The following MEI4 variants were observed in gnomAD, a reference collection of about 807,000 sequenced individuals.
MEI4 encodes meiotic double-stranded break formation protein 4.
MEI4 carries 27 observed loss-of-function variants against 31.4 expected under a neutral mutation model. That is an observed-to-expected ratio of 0.86 (90% confidence interval 0.63 to 1.19). The LOEUF (loss-of-function observed/expected upper bound fraction) is 1.19. Among genes scored for constraint, MEI4 ranks in the 50% most tolerant of loss-of-function variants. The probability of loss-of-function intolerance (pLI) is 0.00; values close to 1 mark genes in which losing one functional copy is unlikely to be tolerated. For missense variants in MEI4, 329 were observed against 398.9 expected (o/e 0.82, Z 1.49); for synonymous variants, 122 against 145.4 (o/e 0.84, Z 1.16).
intron 2 of MEI4, among the ~76,000 whole-genome samples, chr6:77,756,624 C>CCTCTCT (rs149549601): frequency 6.9e-6 from 1 of 145,890 alleles, no homozygotes; most frequent in Non-Finnish European, 1.5e-5. Context: ...TCTCTCTCTC[C>CCTCTCT]CTCTCTCTCT....
intron 2 of MEI4, among the ~76,000 whole-genome samples, chr6:77,735,454 G>A (rs527876913): frequency 1.3e-3 from 203 of 151,870 alleles, no homozygotes; most frequent in South Asian, 6.2e-3. Context: ...CATTCTTCAC[G>A]TAGTTCTCGA....
intron 4 of MEI4, among the ~76,000 whole-genome samples, chr6:77,903,119 A>G (rs1446761332): frequency 1.3e-5 from 2 of 151,984 alleles, no homozygotes; most frequent in East Asian, 3.9e-4. Flanking sequence ...CTTTCTTTCT[A>G]ACTTGAATGC....
At chr6:77,791,859 A>G (rs911986426) in intron 3 of MEI4, among the ~76,000 whole-genome samples, 1 of 152,108 alleles carries the variant, frequency 6.6e-6, no homozygotes, top group East Asian at 1.9e-4. Flanking sequence ...CATTTTTACA[A>G]TAGATCTATT....
upstream of MEI4, among the ~76,000 whole-genome samples, chr6:77,652,221 A>G (rs1768311265): frequency 6.6e-6 from 1 of 152,212 alleles, no homozygotes; most frequent in Non-Finnish European, 1.5e-5. Context: ...ATACAATCAT[A>G]ATGACGAGAT....
At chr6:77,673,578 A>G (rs2127646522) in intron 1 of MEI4, among the ~76,000 whole-genome samples, 1 of 152,216 alleles carries the variant, frequency 6.6e-6, no homozygotes, top group Non-Finnish European at 1.5e-5. Context: ...TTGGTGGAGG[A>G]GTGAAGAAGG....
chr6:77,871,172 A>T lies in MEI4; in HGVS notation c.900+42110A>T, dbSNP rs150256703. ...CTCACAGGCAGTCCATCTTTTTTAT[A>T]AATGAAGAGACCTCAAGTCAAATAA... On this transcript the variant is annotated intron_variant, in intron 4 of 4. Coordinates refer to ENST00000684080, the MANE Select transcript of MEI4 (RefSeq NM_001322247.2). 1.9e-3 allele frequency among the ~76,000 whole-genome samples: 284 copies of T among 152,188 alleles called. 1 individual carries two copies. Among genetic ancestry groups the T allele is most frequent in the South Asian group, 5.0e-3 (24 of 4,816 alleles).
intron 4 of MEI4, among the ~76,000 whole-genome samples, chr6:77,876,045 CAT>C (rs1244695574): frequency 1.3e-5 from 2 of 152,142 alleles, no homozygotes; most frequent in Non-Finnish European, 2.9e-5. Context: ...AAAAAGAGCA[CAT>C]GTTTCAGAGC....
At chr6:77,761,751 G>A in intron 3 of MEI4, 86 bp downstream of exon 3, 1 of 957,402 alleles carries the variant, frequency 1.0e-6, no homozygotes, top group Non-Finnish European at 1.4e-6. Flanking sequence ...TTGTCCCTTA[G>A]CCTTGTGGCT....
At position 77,698,751 on chromosome 6, in the gene MEI4, G is replaced by A. The variant is rs1766125636; in HGVS notation, c.232+7848G>A. 4.6e-5 allele frequency among the ~76,000 whole-genome samples: 7 copies of A among 152,050 alleles called. No individual in the cohort carries two copies. The South Asian group carries it at 1.5e-3, about 32-fold the overall frequency. ...GAATCTGACAATTATGTGTCTTGGA[G>A]TTGCTCTTCTCAAGGAGTATCTTTG... is the stretch of plus-strand genomic sequence containing the variant. On this transcript the variant is annotated intron_variant, in intron 2 of 4. Transcript: ENST00000684080.
chr6:77,729,137 T>C (rs1485689694), intron 2 of MEI4, among the ~76,000 whole-genome samples: 6 of 152,198 alleles, frequency 3.9e-5, no homozygotes, highest in Non-Finnish European at 8.8e-5. Context: ...TAGGAAGACA[T>C]TCTTGGAGTC....
At chr6:77,694,270 T>C (rs964338180) in intron 2 of MEI4, among the ~76,000 whole-genome samples, 4 of 152,006 alleles carry the variant, frequency 2.6e-5, no homozygotes, top group Non-Finnish European at 5.9e-5. Context: ...TTTAATTTTA[T>C]TATTATTACA....
chr6:77,917,691 C>T (rs554487355), intron 4 of MEI4, among the ~76,000 whole-genome samples: 146 of 128,368 alleles, frequency 1.1e-3, no homozygotes, highest in African/African-American at 4.1e-3. Flanking sequence ...GAGTAGGTTG[C>T]AAAAATTTTC....
At chr6:77,888,394 C>T (rs1430328477) in intron 4 of MEI4, among the ~76,000 whole-genome samples, 1 of 148,394 alleles carries the variant, frequency 6.7e-6, no homozygotes, top group African/African-American at 2.5e-5. Flanking sequence ...TTAATGGCAA[C>T]ATTTGACTCC....
At chr6:77,736,760 A>G (rs1428988376) in intron 2 of MEI4, among the ~76,000 whole-genome samples, 2 of 152,086 alleles carry the variant, frequency 1.3e-5, no homozygotes, top group African/African-American at 4.8e-5. Context: ...TGAGGGTAAG[A>G]TTACATCATT....
intron 1 of MEI4, among the ~76,000 whole-genome samples, chr6:77,672,760 G>C (rs572114391): frequency 6.6e-6 from 1 of 152,110 alleles, no homozygotes; most frequent in African/African-American, 2.4e-5. Flanking sequence ...GACTGGTCTC[G>C]AACTCCTGAC....
At chr6:77,699,055 C>A (rs530184012) in intron 2 of MEI4, among the ~76,000 whole-genome samples, 1 of 152,080 alleles carries the variant, frequency 6.6e-6, no homozygotes, top group African/African-American at 2.4e-5. Flanking sequence ...TCCAGTTGAT[C>A]GCATCGGCTC....
chr6:77,786,581 GAAAT>G (rs1425595287), intron 3 of MEI4, among the ~76,000 whole-genome samples: 3 of 152,030 alleles, frequency 2.0e-5, no homozygotes, highest in Non-Finnish European at 4.4e-5. Context: ...ACGGGAAAAA[GAAAT>G]AAGTAATAAG....
At chr6:77,661,225 C>G (rs550752872) in intron 1 of MEI4, among the ~76,000 whole-genome samples, 1 of 152,214 alleles carries the variant, frequency 6.6e-6, no homozygotes, top group Non-Finnish European at 1.5e-5. Flanking sequence ...TCCGTTCTAC[C>G]TTTCTTGAAG....
chr6:77,882,821 A>G (rs1034918586), intron 4 of MEI4, among the ~76,000 whole-genome samples: 15 of 152,216 alleles, frequency 9.9e-5, no homozygotes, highest in Non-Finnish European at 2.1e-4. Context: ...CAGACAATAT[A>G]TTGGGACGTT....
Sources: allele counts gnomAD v4.1 joint callset (sites outside exome capture counted in the v4.1 genomes callset), GRCh38; gene constraint gnomAD v4.1.1; transcripts MANE v1.5; gene names NCBI Gene and HGNC (gene_info 2026-07-23, HGNC 2026-07-21).